The following CSMD1 variants were observed in gnomAD, a reference collection of about 807,000 sequenced individuals.
CSMD1 encodes CUB and sushi domain-containing protein 1.
CSMD1 carries 213 observed loss-of-function variants against 417.5 expected under a neutral mutation model. The observed-to-expected ratio is 0.51, with a 90% CI of 0.46 to 0.57. CSMD1 has a LOEUF of 0.57. CSMD1 is among the 20% of genes least tolerant of loss of function. The pLI is 0.00. For synonymous variants in CSMD1, 2,862 were observed against 1,736.8 expected (o/e 1.65, Z -16.11); for missense variants, 6,923 against 4,529.7 (o/e 1.53, Z -15.17).
chr8:3,268,735 G>T (rs1003765276), intron 26 of CSMD1, among the ~76,000 whole-genome samples: 2 of 152,104 alleles, frequency 1.3e-5, no homozygotes, highest in African/African-American at 4.8e-5. Flanking sequence ...ATGGGGTACT[G>T]TTGTCTACCT....
Position 2,938,574 on chromosome 8 carries a change from G to T in CSMD1, c.*11C>A. On this transcript the variant is annotated 3_prime_UTR_variant, in exon 70 of 70. Transcript: ENST00000635120. ...TATGGCTATGAATCAGTCCTGTTGG[G>T]GCACTGAGGGCTATACCACTGTACA... 6.2e-7 allele frequency: 1 copy of T among 1,608,190 alleles called. No individual in the cohort carries two copies. Among genetic ancestry groups the T allele is most frequent in the Non-Finnish European group, 8.5e-7 (1 of 1,177,074 alleles).
intron 10 of CSMD1, among the ~76,000 whole-genome samples, chr8:3,532,050 A>C (rs1040522618): frequency 6.6e-6 from 1 of 152,228 alleles, no homozygotes; most frequent in African/African-American, 2.4e-5. Flanking sequence ...TGTCTAGATC[A>C]GATACTGCCT....
chr8:3,919,509 C>G (rs369627331), intron 5 of CSMD1, among the ~76,000 whole-genome samples: 1 of 152,104 alleles, frequency 6.6e-6, no homozygotes, highest in East Asian at 1.9e-4. Flanking sequence ...GTTTTTATTA[C>G]AGTATCATAC....
intron 5 of CSMD1, among the ~76,000 whole-genome samples, chr8:3,926,775 T>A (rs1809761249): frequency 6.9e-6 from 1 of 145,976 alleles, no homozygotes; most frequent in South Asian, 2.2e-4. Flanking sequence ...GAATGCAGTG[T>A]CGTGATCTCA....
Position 4,637,323 on chromosome 8 carries a change from T to C in CSMD1, c.302+19A>G. ...TATTCAAACAGTGCTAACTGTAATA[T>C]AAAAAGTTGATACCTTACCTCACTT... On this transcript the variant is annotated intron_variant, in intron 2 of 69. Coordinates refer to ENST00000635120, the MANE Select transcript of CSMD1 (RefSeq NM_033225.6). 2 of 1,567,598 alleles carry C rather than the reference T, an allele frequency of 1.3e-6. No individual in the cohort carries two copies. The highest frequency in any genetic ancestry group is 1.8e-6 in the Non-Finnish European group (2 of 1,138,496).
chr8:3,179,152 A>C lies in CSMD1; in HGVS notation c.5725+1958T>G, dbSNP rs139334284. Among the ~76,000 whole-genome samples, 246 of 151,282 alleles carry C rather than the reference A, an allele frequency of 1.6e-3. 7 individuals are homozygous for C. The South Asian group carries it at 0.023, about 14-fold the overall frequency. ...AGTAGATACGGGGTTTCAACGTGTT[A>C]GCCAGGACTGTCTCGATCTCCTGAC... On this transcript the variant is annotated intron_variant, in intron 37 of 69. Transcript: ENST00000635120.
chr8:4,821,437 A>T (rs1170053627), intron 1 of CSMD1, among the ~76,000 whole-genome samples: 1 of 152,190 alleles, frequency 6.6e-6, no homozygotes, highest in Non-Finnish European at 1.5e-5. Flanking sequence ...AAATTAAGGT[A>T]AAAATCTCAT....
intron 2 of CSMD1, among the ~76,000 whole-genome samples, chr8:4,426,744 A>C (rs1797582667): frequency 6.8e-6 from 1 of 147,790 alleles, no homozygotes; most frequent in South Asian, 2.1e-4. Flanking sequence ...ATTATACAAT[A>C]TAGTAATATA....
chr8:3,228,272 G>A (rs1585718607), intron 27 of CSMD1, among the ~76,000 whole-genome samples: 1 of 152,092 alleles, frequency 6.6e-6, no homozygotes, highest in Non-Finnish European at 1.5e-5. Context: ...TTGAATCTTT[G>A]AAACAGAATT....
chr8:4,145,346 G>A (rs1804047109), intron 3 of CSMD1, among the ~76,000 whole-genome samples: 1 of 150,976 alleles, frequency 6.6e-6, no homozygotes, highest in African/African-American at 2.5e-5. Flanking sequence ...GATCCAATAT[G>A]TCAGAAAGAT....
intron 3 of CSMD1, among the ~76,000 whole-genome samples, chr8:4,230,079 G>A (rs1041040913): frequency 1.3e-5 from 2 of 152,118 alleles, no homozygotes; most frequent in Non-Finnish European, 2.9e-5. Flanking sequence ...GTGTATACAA[G>A]CTTATTAGAC....
intron 23 of CSMD1, among the ~76,000 whole-genome samples, chr8:3,317,034 A>C (rs1805817908): frequency 6.6e-6 from 1 of 152,136 alleles, no homozygotes; most frequent in Admixed American, 6.5e-5. Flanking sequence ...TATTTTGCAA[A>C]TTGAGCCTGA....
At chr8:2,962,439 TC>T (rs1433005720) in intron 61 of CSMD1, 26 bp downstream of exon 61, 1 of 1,580,468 alleles carries the variant, frequency 6.3e-7, no homozygotes, top group South Asian at 1.1e-5. Context: ...CTCCCAGGTA[TC>T]CCCAGAGCTG....
intron 1 of CSMD1, among the ~76,000 whole-genome samples, chr8:4,950,759 A>G (rs1393009412): frequency 1.3e-5 from 2 of 152,286 alleles, no homozygotes; most frequent in Non-Finnish European, 1.5e-5. Context: ...CATTATTTAT[A>G]AGTGGCAGCA....
At chr8:3,709,967 C>T (rs564382497) in intron 6 of CSMD1, among the ~76,000 whole-genome samples, 9 of 151,582 alleles carry the variant, frequency 5.9e-5, no homozygotes, top group Non-Finnish European at 1.3e-4. Flanking sequence ...CCAACCCCCA[C>T]ACACAGCTGA....
chr8:4,009,512 TA>T (rs1331945445), intron 4 of CSMD1, among the ~76,000 whole-genome samples: 1 of 152,232 alleles, frequency 6.6e-6, no homozygotes, highest in African/African-American at 2.4e-5. Context: ...GCATTTATAA[TA>T]TTCCTTCAGT....
At chr8:3,501,626 T>A (rs923372140) in intron 10 of CSMD1, among the ~76,000 whole-genome samples, 1 of 152,192 alleles carries the variant, frequency 6.6e-6, no homozygotes, top group Non-Finnish European at 1.5e-5. Flanking sequence ...GACGCTATAA[T>A]GTATCTGATT....
chr8:4,930,034 G>A (rs1185593827), intron 1 of CSMD1, among the ~76,000 whole-genome samples: 1 of 152,082 alleles, frequency 6.6e-6, no homozygotes, highest in South Asian at 2.1e-4. Flanking sequence ...AAGGAACAGG[G>A]GTGCACGGTG....
intron 1 of CSMD1, among the ~76,000 whole-genome samples, chr8:4,857,944 A>G (rs936039070): frequency 2.0e-5 from 3 of 151,928 alleles, no homozygotes; most frequent in African/African-American, 7.3e-5. Flanking sequence ...TACCAAAGCC[A>G]GGCAGAGACA....
Sources: gnomAD v4.1 joint callset for allele counts (sites outside exome capture counted in the v4.1 genomes callset) on GRCh38, gnomAD v4.1.1 for gene constraint, MANE v1.5 for transcripts, NCBI Gene and HGNC (gene_info 2026-07-23, HGNC 2026-07-21) for gene names.